TUBB8: variants seen among roughly 807,000 people sequenced by gnomAD.
TUBB8 encodes tubulin beta-8 chain.
TUBB8 carries 25 observed loss-of-function variants against 33.7 expected under a neutral mutation model. That is an observed-to-expected ratio of 0.74 (90% CI 0.54 to 1.04). The LOEUF is 1.04. Ranked by LOEUF, TUBB8 falls within the 50% of genes least tolerant of loss-of-function variation. TUBB8 has a pLI of 0.00. For missense variants in TUBB8, 279 were observed against 608.0 expected, an observed-to-expected ratio of 0.46 and a Z score of 5.69; for synonymous variants, 245 against 240.1, an observed-to-expected ratio of 1.02 and a Z score of -0.19.
chr10:54,499 G>A (rs1418410499), intron 1 of TUBB8, among the ~76,000 whole-genome samples: 2 of 151,634 alleles, frequency 1.3e-5, no homozygotes, highest in Non-Finnish European at 2.9e-5. Context: ...GTTTTTGACT[G>A]ACTTCTGGAT....
At chr10:66,808 T>TA (rs1324395170) in intron 1 of TUBB8, among the ~76,000 whole-genome samples, 1 of 131,480 alleles carries the variant, frequency 7.6e-6, no homozygotes, top group African/African-American at 3.2e-5. Context: ...CCTACCTGTA[T>TA]AAAAAAATCA....
At chr10:53,301 T>C (rs557745629), upstream of TUBB8, among the ~76,000 whole-genome samples, 9 of 152,266 alleles carry the variant, frequency 5.9e-5, no homozygotes, top group African/African-American at 2.2e-4. Flanking sequence ...CTAATTTTTG[T>C]ATCTTTAGTA....
intron 1 of TUBB8, among the ~76,000 whole-genome samples, chr10:68,923 G>A (rs1293744553): frequency 1.3e-5 from 2 of 152,136 alleles, no homozygotes; most frequent in Non-Finnish European, 2.9e-5. Context: ...GTTTCACAAC[G>A]TTGGCAGATA....
intron 1 of TUBB8, among the ~76,000 whole-genome samples, chr10:57,168 C>T (rs1175401155): frequency 6.6e-6 from 1 of 152,222 alleles, no homozygotes. Flanking sequence ...ACGTTTAGAC[C>T]TTGTGGCTTT....
In TUBB8 at chr10:47,183, C is replaced by T. The variant is rs782697676; in HGVS notation, c.1209G>A (p.Met403Ile). 3.1e-6 allele frequency: 5 copies of T among 1,609,852 alleles called. No individual in the cohort carries two copies. Among genetic ancestry groups the T allele is most frequent in the Non-Finnish European group, 4.2e-6 (5 of 1,177,812 alleles). ...AFLHWYTGEG[M>I]DEMEFTEAES... The stretch of plus-strand genomic sequence containing the variant: ...CGGCCTCGGTGAATTCCATCTCATC[C>T]ATGCCCTCGCCCGTGTACCAGTGGA... The change falls in exon 4 of 4, where the codon ATG becomes ATA. Residue 403 changes from methionine (M) to isoleucine (I), a missense_variant. Met to Ile is a conservative substitution (Grantham distance 10). This residue lies in a region of TUBB8 where 123 missense variants were observed against 228.9 expected (regional missense o/e 0.54). Coordinates refer to ENST00000568584, the MANE Select transcript of TUBB8 (RefSeq NM_177987.3).
chr10:73,954 A>T (rs4881494), intron 1 of TUBB8: 40,963 of 154,444 alleles, frequency 0.27, 5,846 homozygotes, highest in Middle Eastern at 0.4. Flanking sequence ...CGCGGGCAGG[A>T]AGCCTTTTCC....
At chr10:48,195 G>A (rs1834392875) in intron 3 of TUBB8, 81 bp from the exon 4 acceptor site, 1 of 1,045,142 alleles carries the variant, frequency 9.6e-7, no homozygotes, top group South Asian at 1.3e-5. Context: ...AAAGAGCCAA[G>A]CGTCACACGT....
intron 1 of TUBB8, among the ~76,000 whole-genome samples, chr10:67,749 T>G (rs1834689155): frequency 6.6e-6 from 1 of 152,300 alleles, no homozygotes. Context: ...TGTACCTTGG[T>G]TAAATTTATT....
chr10:76,105 C>T (rs1319700134), upstream of TUBB8, among the ~76,000 whole-genome samples: 1 of 148,300 alleles, frequency 6.7e-6, no homozygotes, highest in Non-Finnish European at 1.5e-5. Flanking sequence ...TGCCATTGCA[C>T]TCCAGCCTGG....
upstream of TUBB8, chr10:49,845 G>C (rs1834443427): frequency 7.4e-5 from 21 of 283,442 alleles, no homozygotes; most frequent in South Asian, 7.1e-4. Flanking sequence ...GAGGACTGTG[G>C]TCTCCAGCAG....
intron 1 of TUBB8, among the ~76,000 whole-genome samples, chr10:73,005 T>G (rs1256440306): frequency 2.6e-5 from 4 of 152,230 alleles, no homozygotes; most frequent in Non-Finnish European, 5.9e-5. Context: ...GTGACTTTCT[T>G]CAATTAATTT....
intron 1 of TUBB8, among the ~76,000 whole-genome samples, chr10:67,914 T>A (rs1309968290): frequency 0.088 from 9,392 of 107,332 alleles, no homozygotes; most frequent in African/African-American, 0.2. Context: ...GAACTACATA[T>A]GCGTGCAAGT....
At chr10:72,707 G>C (rs1554742508) in intron 1 of TUBB8, among the ~76,000 whole-genome samples, 2 of 151,938 alleles carry the variant, frequency 1.3e-5, no homozygotes, top group African/African-American at 4.8e-5. Flanking sequence ...AAAAAAATTA[G>C]CAGGGCATTG....
intron 1 of TUBB8, among the ~76,000 whole-genome samples, chr10:73,788 T>A (rs1404256993): frequency 3.3e-5 from 5 of 151,594 alleles, no homozygotes; most frequent in Non-Finnish European, 7.4e-5. Context: ...CCAGGGTCTC[T>A]CCCCAGAAAC....
At chr10:48,959 G>A (rs545289800) in intron 1 of TUBB8, 47 bp from the exon 2 acceptor site, 5 of 1,395,890 alleles carry the variant, frequency 3.6e-6, no homozygotes, top group Admixed American at 2.0e-5. Flanking sequence ...GAGTCAGGGA[G>A]GCGCCCCAGC....
At chr10:67,282 G>C (rs533463516) in intron 1 of TUBB8, among the ~76,000 whole-genome samples, 105 of 152,212 alleles carry the variant, frequency 6.9e-4, no homozygotes, top group Non-Finnish European at 1.1e-3. Context: ...AGAATCTGTA[G>C]ATGGCTTTGT....
chr10:52,220 A>G (rs565756382), upstream of TUBB8, among the ~76,000 whole-genome samples: 5 of 152,284 alleles, frequency 3.3e-5, no homozygotes, highest in Non-Finnish European at 7.3e-5. Flanking sequence ...GTGGGTAATC[A>G]TTCTTGCCAA....
chr10:59,251 T>C (rs1486213266), intron 1 of TUBB8, among the ~76,000 whole-genome samples: 3 of 152,200 alleles, frequency 2.0e-5, no homozygotes, highest in African/African-American at 7.2e-5. Flanking sequence ...TGCAATGGCA[T>C]GGTCTCAGCT....
chr10:54,986 G>A (rs565121089), intron 1 of TUBB8, among the ~76,000 whole-genome samples: 2 of 152,254 alleles, frequency 1.3e-5, no homozygotes, highest in East Asian at 3.9e-4. Context: ...TTGAACTCCT[G>A]ACCTCGTGAT....
Sources: gnomAD v4.1 joint callset for allele counts (sites outside exome capture counted in the v4.1 genomes callset) on GRCh38, gnomAD v4.1.1 for gene constraint, gnomAD v4.1.1 regional missense constraint, MANE v1.5 for transcripts, NCBI Gene and HGNC (gene_info 2026-07-23, HGNC 2026-07-21) for gene names.